BICRA: variants seen among roughly 807,000 people sequenced by gnomAD.
BICRA encodes the protein BRD4 interacting chromatin remodeling complex associated protein.
In BICRA, 31 loss-of-function variants were observed where a neutral mutation model predicts 96.9. The ratio of observed to expected loss-of-function variants is 0.32; its 90% CI spans 0.24 to 0.43. BICRA has a LOEUF of 0.43. Among genes scored for constraint, BICRA ranks in the 20% least tolerant of loss-of-function variants. BICRA has a pLI of 1.00. For missense variants in BICRA, 2,283 were observed against 2,190.3 expected (o/e 1.04, Z -0.84); for synonymous variants, 1,350 against 1,071.8 (o/e 1.26, Z -5.07).
intron 7 of BICRA, among the ~76,000 whole-genome samples, chr19:47,692,427 A>G (rs1012109561): frequency 1.3e-5 from 2 of 152,046 alleles, no homozygotes; most frequent in Non-Finnish European, 2.9e-5. Flanking sequence ...ACAGGGTTTC[A>G]TCATATTGAT....
intron 1 of BICRA, chr19:47,662,896 C>G (rs561643398): frequency 6.6e-6 from 1 of 152,302 alleles, no homozygotes; most frequent in South Asian, 2.1e-4. Context: ...TTTGTTTGAC[C>G]TCTCTTCTTA....
intron 1 of BICRA, among the ~76,000 whole-genome samples, chr19:47,649,793 G>A (rs16972331): frequency 0.021 from 3,195 of 152,176 alleles, 93 homozygotes; most frequent in African/African-American, 0.069. Context: ...ACCTCACACT[G>A]TACAGCAAAG....
rs759974527 is a variant in BICRA at position 47,701,385 on chromosome 19, G to GTCA, written c.3656_3658dup (p.His1219dup). On this transcript the variant is annotated inframe_insertion, in exon 15 of 15. Coordinates refer to ENST00000594866, the MANE Select transcript of BICRA (RefSeq NM_001394372.1). The surrounding 1 kb of genome is among the most constrained non-coding windows in gnomAD (Gnocchi z 5.4). ...CTCCCCATCGCAGCCTCTTCCGAGG[G>GTCA]TCATCGGCTTCCCGGCCACGGCCCC... is the stretch of plus-strand genomic sequence containing the variant. 1 of 1,609,370 alleles carries GTCA rather than the reference G, an allele frequency of 6.2e-7. No individual in the cohort carries two copies. The highest frequency in any genetic ancestry group is 8.5e-7 in the Non-Finnish European group (1 of 1,178,442).
chr19:47,610,697 C>T (rs1210034255), intron 1 of BICRA, among the ~76,000 whole-genome samples: 2 of 151,746 alleles, frequency 1.3e-5, no homozygotes, highest in African/African-American at 2.4e-5. Context: ...TTACGGAGGG[C>T]ACTTGAAAGG....
chr19:47,632,575 T>C (rs1433717762), intron 1 of BICRA, among the ~76,000 whole-genome samples: 2 of 152,190 alleles, frequency 1.3e-5, no homozygotes, highest in Admixed American at 1.3e-4. Flanking sequence ...TGGAGTGTAT[T>C]GGACTGGGAA....
At chr19:47,614,033 G>A (rs1346733078) in intron 1 of BICRA, among the ~76,000 whole-genome samples, 1 of 151,880 alleles carries the variant, frequency 6.6e-6, no homozygotes, top group East Asian at 1.9e-4. Flanking sequence ...CTGGGGATCA[G>A]TTAAGACCTT....
intron 1 of BICRA, among the ~76,000 whole-genome samples, chr19:47,656,969 C>A (rs548051652): frequency 7.2e-5 from 11 of 151,972 alleles, no homozygotes; most frequent in African/African-American, 2.7e-4. Context: ...TCAAGAAATT[C>A]TCCTGCCTCA....
intron 1 of BICRA, among the ~76,000 whole-genome samples, chr19:47,611,163 C>T (rs1402950607): frequency 6.6e-6 from 1 of 152,142 alleles, no homozygotes; most frequent in African/African-American, 2.4e-5. Flanking sequence ...TCCAGCTTGG[C>T]TCAAAACTGT....
chr19:47,639,319 ATT>A (rs35509834), intron 1 of BICRA, among the ~76,000 whole-genome samples: 2 of 52,366 alleles, frequency 3.8e-5, no homozygotes, highest in Non-Finnish European at 3.2e-5. Context: ...CCCACCCTGC[ATT>A]TTTTTTTTTT....
intron 1 of BICRA, among the ~76,000 whole-genome samples, chr19:47,625,943 C>T (rs1339694299): frequency 3.3e-5 from 5 of 152,026 alleles, no homozygotes; most frequent in African/African-American, 1.2e-4. Context: ...TGTTTCTTGG[C>T]CCCTGGGTCT....
chr19:47,658,971 G>C (rs1186596086), intron 1 of BICRA, among the ~76,000 whole-genome samples: 1 of 152,090 alleles, frequency 6.6e-6, no homozygotes, highest in Admixed American at 6.6e-5. Context: ...CACCCACCCC[G>C]AATGCCTGTA....
At chr19:47,669,720 G>A (rs920251415) in intron 1 of BICRA, among the ~76,000 whole-genome samples, 5 of 138,648 alleles carry the variant, frequency 3.6e-5, no homozygotes, top group Non-Finnish European at 7.8e-5. Context: ...GCAGTGGCAC[G>A]ATCTTGGCTC....
chr19:47,633,540 C>T (rs1658349734), intron 1 of BICRA, among the ~76,000 whole-genome samples: 1 of 152,170 alleles, frequency 6.6e-6, no homozygotes, highest in African/African-American at 2.4e-5. Flanking sequence ...TAGGCAACAG[C>T]CAGACCCTTA....
At chr19:47,615,089 G>T (rs1971963578) in intron 1 of BICRA, among the ~76,000 whole-genome samples, 2 of 152,148 alleles carry the variant, frequency 1.3e-5, no homozygotes, top group Admixed American at 1.3e-4. Context: ...GCTCAAGTGA[G>T]CCTCGCATCT....
In BICRA at chr19:47,681,252, C is replaced by G. The variant is rs1973052565; in HGVS notation, c.2082C>G (p.Asp694Glu). 6.5e-7 allele frequency: 1 copy of G among 1,539,368 alleles called. No homozygotes were observed. Among genetic ancestry groups the G allele is most frequent in the East Asian group, 2.4e-5 (1 of 41,374 alleles). The change falls in exon 6 of 15, where the codon GAC (aspartate) becomes GAG (glutamate). Residue 694 changes from aspartate to glutamate, a missense_variant. Transcript: ENST00000594866. ...CCCCCACGGCCATCCTCACTCAGGACTCCCTGCAGATGTTCCTGCCCCAGG... is the reference window on the plus strand; with the variant it reads ...CCCCCACGGCCATCCTCACTCAGGAGTCCCTGCAGATGTTCCTGCCCCAGG... Reference protein sequence around the residue: ...SATPTAILTQDSLQMFLPQER... With the variant: ...SATPTAILTQESLQMFLPQER...
rs1417867283 is a variant in BICRA, at chr19:47,680,888, C to T, written c.1718C>T (p.Ala573Val). The part of the protein sequence containing the change: ...AGSLPTQSQP[A>V]PAGPAATTVL... ...AGCCTGCCCACGCAGAGCCAGCCAGCGCCCGCCGGGCCGGCCGCCACCACT... is the reference window on the plus strand; with the variant it reads ...AGCCTGCCCACGCAGAGCCAGCCAGTGCCCGCCGGGCCGGCCGCCACCACT... Residue 573 changes from alanine (A) to valine (V), a missense_variant, in exon 6 of 15, where the codon GCG (alanine) becomes GTG (valine). Physicochemically the swap from Ala to Val is moderately conservative, Grantham distance 64 (BLOSUM62 0). Coordinates refer to ENST00000594866, the MANE Select transcript of BICRA (RefSeq NM_001394372.1). 6.8e-7 allele frequency: 1 copy of T among 1,467,956 alleles called. No individual in the cohort carries two copies. Among genetic ancestry groups the T allele is most frequent in the Non-Finnish European group, 8.9e-7 (1 of 1,120,260 alleles). 90.9% of individuals were successfully genotyped at this position (1,467,956 alleles called of 1,614,324 possible). A position where few individuals can be genotyped will look rare whatever the true frequency, so the allele number is the denominator to read the frequency against.
intron 1 of BICRA, among the ~76,000 whole-genome samples, chr19:47,644,643 G>GCATA (rs1392883211): frequency 2.0e-5 from 3 of 151,920 alleles, no homozygotes; most frequent in Non-Finnish European, 4.4e-5. Context: ...TGGGATTACA[G>GCATA]GCGCCCGCCA....
intron 1 of BICRA, among the ~76,000 whole-genome samples, chr19:47,660,908 AATG>A (rs1396863565): frequency 6.6e-6 from 1 of 152,128 alleles, no homozygotes; most frequent in Non-Finnish European, 1.5e-5. Context: ...GTGAGAATGA[AATG>A]ATAAGATGAA....
At chr19:47,627,754 T>G (rs1378581845) in intron 1 of BICRA, among the ~76,000 whole-genome samples, 1 of 151,968 alleles carries the variant, frequency 6.6e-6, no homozygotes, top group Non-Finnish European at 1.5e-5. Flanking sequence ...TGAGTGGGTT[T>G]TTTGTTTGTT....
Sources: allele counts gnomAD v4.1 joint callset (sites outside exome capture counted in the v4.1 genomes callset), GRCh38; gene constraint gnomAD v4.1.1; non-coding constraint Gnocchi (gnomAD v3.1); transcripts MANE v1.5; gene names NCBI Gene and HGNC (gene_info 2026-07-23, HGNC 2026-07-21).